CWC22: variants seen among roughly 807,000 people sequenced by gnomAD.
The protein encoded by CWC22 is pre-mRNA-splicing factor CWC22 homolog.
In CWC22, 53 loss-of-function variants were observed where a neutral mutation model predicts 117.2. That is an observed-to-expected ratio of 0.45 (90% CI 0.36 to 0.57). The LOEUF (loss-of-function observed/expected upper bound fraction) is 0.57. Ranked by LOEUF, CWC22 falls within the 20% of genes least tolerant of loss-of-function variation. CWC22 has a pLI of 0.00. For synonymous variants in CWC22, 360 were observed against 355.6 expected (o/e 1.01, Z -0.14); for missense variants, 980 against 1,068.8 (o/e 0.92, Z 1.16).
intron 13 of CWC22, among the ~76,000 whole-genome samples, chr2:179,963,335 CT>C (rs774947016): frequency 4.9e-4 from 40 of 82,066 alleles, no homozygotes; most frequent in African/African-American, 1.7e-3. Context: ...ATATTTAATA[CT>C]TTTTTTTTTT....
At chr2:180,006,160 T>C (rs1294257420) in intron 1 of CWC22, among the ~76,000 whole-genome samples, 1 of 147,004 alleles carries the variant, frequency 6.8e-6, no homozygotes, top group Non-Finnish European at 1.5e-5. Context: ...GCTTATCTGC[T>C]ATTTCGAGTC....
intron 13 of CWC22, among the ~76,000 whole-genome samples, chr2:179,963,454 T>C (rs1039975117): frequency 3.6e-5 from 5 of 139,224 alleles, no homozygotes; most frequent in Non-Finnish European, 7.6e-5. Flanking sequence ...GCCATTCTCC[T>C]GCCTCAGCCT....
chr2:179,949,176 G>A (rs1686384913), intron 19 of CWC22, among the ~76,000 whole-genome samples: 2 of 152,206 alleles, frequency 1.3e-5, no homozygotes, highest in South Asian at 4.1e-4. Flanking sequence ...CTCCCTGGGA[G>A]CATCTGCTGA....
chr2:179,976,469 A>T (rs1273314791), intron 6 of CWC22, among the ~76,000 whole-genome samples: 1 of 149,626 alleles, frequency 6.7e-6, no homozygotes, highest in African/African-American at 2.5e-5. Context: ...CAACAGAGTG[A>T]AGAGATGACC....
At chr2:179,999,820 A>C (rs931307485) in intron 1 of CWC22, among the ~76,000 whole-genome samples, 4 of 152,216 alleles carry the variant, frequency 2.6e-5, no homozygotes, top group African/African-American at 9.6e-5. Context: ...AAACAAAAAC[A>C]AAAACCAAAA....
chr2:179,945,867 A>T (rs1686280155), intron 19 of CWC22, among the ~76,000 whole-genome samples, 152 bp from the exon 20 acceptor site: 1 of 152,196 alleles, frequency 6.6e-6, no homozygotes, highest in South Asian at 2.1e-4. Context: ...GATGACACAG[A>T]GTCTTACCAA....
intron 1 of CWC22, among the ~76,000 whole-genome samples, chr2:180,003,512 G>C (rs773866184): frequency 6.6e-6 from 1 of 152,180 alleles, no homozygotes; most frequent in Non-Finnish European, 1.5e-5. Context: ...TATTTAATTA[G>C]AGAGCCACGT....
At chr2:179,967,917 CT>C (rs1238138772) in intron 11 of CWC22, among the ~76,000 whole-genome samples, 2 of 152,068 alleles carry the variant, frequency 1.3e-5, no homozygotes, top group African/African-American at 4.8e-5. Context: ...GAGACTGTCA[CT>C]TTGGGGAAAA....
chr2:179,993,843 C>T (rs1296285215), intron 1 of CWC22, among the ~76,000 whole-genome samples: 1 of 151,964 alleles, frequency 6.6e-6, no homozygotes, highest in African/African-American at 2.4e-5. Context: ...TCTATATAAA[C>T]TGAGTATAAA....
At chr2:179,993,605 C>T (rs936297636) in intron 1 of CWC22, among the ~76,000 whole-genome samples, 151 bp from the exon 2 acceptor site, 1 of 151,854 alleles carries the variant, frequency 6.6e-6, no homozygotes, top group African/African-American at 2.4e-5. Context: ...TAAGTAGTTA[C>T]ACATAATAAT....
intron 11 of CWC22, among the ~76,000 whole-genome samples, chr2:179,970,125 A>G (rs1237998369): frequency 6.6e-6 from 1 of 152,202 alleles, no homozygotes; most frequent in South Asian, 2.1e-4. Flanking sequence ...AAGAAACAAT[A>G]AAGTATAGCA....
intron 5 of CWC22, among the ~76,000 whole-genome samples, chr2:179,980,252 T>C (rs1024622610): frequency 6.6e-6 from 1 of 152,132 alleles, no homozygotes; most frequent in Non-Finnish European, 1.5e-5. Context: ...CAAATTCCTT[T>C]TCAACCTAAC....
chr2:179,984,846 C>T (rs564696135), intron 4 of CWC22, among the ~76,000 whole-genome samples: 1 of 152,012 alleles, frequency 6.6e-6, no homozygotes, highest in Non-Finnish European at 1.5e-5. Context: ...GAATCAACCA[C>T]GTTGTTCAAC....
intron 8 of CWC22, among the ~76,000 whole-genome samples, chr2:179,972,774 G>A (rs537140606): frequency 2.6e-5 from 4 of 152,194 alleles, no homozygotes; most frequent in East Asian, 1.9e-4. Flanking sequence ...TTGGGAGGCC[G>A]AGGCTGGTGG....
chr2:179,949,052 A>G (rs1008123614), intron 19 of CWC22, among the ~76,000 whole-genome samples: 2 of 152,228 alleles, frequency 1.3e-5, no homozygotes, highest in Admixed American at 1.3e-4. Context: ...TTACAGTTAC[A>G]AAGTAAAAAA....
At chr2:179,957,059 A>C (rs1686613172) in intron 14 of CWC22, among the ~76,000 whole-genome samples, 1 of 152,184 alleles carries the variant, frequency 6.6e-6, no homozygotes, top group Admixed American at 6.5e-5. Context: ...AAATATACTG[A>C]GGTTATTTCT....
chr2:180,003,805 G>A (rs1285309167), intron 1 of CWC22, among the ~76,000 whole-genome samples: 1 of 152,142 alleles, frequency 6.6e-6, no homozygotes, highest in Non-Finnish European at 1.5e-5. Flanking sequence ...CATTCCACAG[G>A]AGTTAATATG....
At chr2:179,960,301 C>T (rs956320032) in intron 13 of CWC22, among the ~76,000 whole-genome samples, 3 of 151,836 alleles carry the variant, frequency 2.0e-5, no homozygotes, top group African/African-American at 7.3e-5. Context: ...CTTCCCAATG[C>T]TCAAGGTTTT....
intron 3 of CWC22, among the ~76,000 whole-genome samples, chr2:179,987,896 T>C (rs186324998): frequency 7.5e-4 from 115 of 152,326 alleles, no homozygotes; most frequent in African/African-American, 2.5e-3. Flanking sequence ...TCAAACCTTT[T>C]TGGCAACAGG....
Sources: allele counts gnomAD v4.1 joint callset (sites outside exome capture counted in the v4.1 genomes callset), GRCh38; gene constraint gnomAD v4.1.1; transcripts MANE v1.5; gene names NCBI Gene and HGNC (gene_info 2026-07-23, HGNC 2026-07-21).